Variants in RNF170 observed in about 807,000 individuals in gnomAD.
The protein encoded by RNF170 is ring finger protein 170, also known as E3 ubiquitin-protein ligase RNF170.
RNF170 carries 12 observed loss-of-function variants against 32.7 expected under a neutral mutation model. That is an observed-to-expected ratio of 0.37 (90% confidence interval 0.24 to 0.60). The LOEUF is 0.60. RNF170 is among the 20% of genes least tolerant of loss of function. The probability of loss-of-function intolerance (pLI) is 0.72; values close to 1 mark genes in which losing one functional copy is unlikely to be tolerated. For missense variants in RNF170, 212 were observed against 311.2 expected (o/e 0.68, Z 2.40); for synonymous variants, 91 against 103.6 (o/e 0.88, Z 0.74).
rs368788195 is a variant in RNF170 at position 42,863,126 on chromosome 8, GC to G, written c.397-1272del. 1.6e-3 allele frequency among the ~76,000 whole-genome samples: 250 copies of G among 152,308 alleles called. 1 individual carries two copies. The highest frequency in any genetic ancestry group is 5.5e-3 in the African/African-American group (227 of 41,570). On this transcript the variant is annotated intron_variant, in intron 5 of 6. Transcript: ENST00000527424. Reference sequence around the variant, plus strand: ...ATTTCCATGACCATTTACTGAAGGGGCTACTGAAAACAGGAGGTAGAACAAG... The same window carrying G: ...ATTTCCATGACCATTTACTGAAGGGGTACTGAAAACAGGAGGTAGAACAAG...
chr8:42,874,123 C>A, intron 2 of RNF170, 117 bp from the exon 3 acceptor site: 2 of 698,306 alleles, frequency 2.9e-6, no homozygotes, highest in Middle Eastern at 3.8e-4. Flanking sequence ...TGATGGCATA[C>A]AAGCACTTCA....
At chr8:42,866,783 C>T (rs566028021) in intron 4 of RNF170, among the ~76,000 whole-genome samples, 3 of 152,292 alleles carry the variant, frequency 2.0e-5, no homozygotes, top group South Asian at 2.1e-4. Flanking sequence ...AAGAGTCTGG[C>T]GACCTCAAGA....
intron 2 of RNF170, among the ~76,000 whole-genome samples, chr8:42,875,297 A>G (rs1804840231): frequency 6.6e-6 from 1 of 152,210 alleles, no homozygotes; most frequent in South Asian, 2.1e-4. Context: ...AATGTCTTGA[A>G]CAAGAATATT....
rs1225807317 is a variant in RNF170 at position 42,854,334 on chromosome 8, A to AT, written c.*1824dup. On this transcript the variant is annotated 3_prime_UTR_variant, in exon 7 of 7. Coordinates refer to ENST00000527424, the MANE Select transcript of RNF170 (RefSeq NM_030954.4). ...TTCTATGCAGGAGTCCTACTAAGAAATTTTGGTGTAATGCCACTTTGATCA... is the reference window on the plus strand; with the variant it reads ...TTCTATGCAGGAGTCCTACTAAGAAATTTTTGGTGTAATGCCACTTTGATCA... 4.7e-6 allele frequency: 6 copies of AT among 1,287,212 alleles called. No homozygotes were observed. Among genetic ancestry groups the AT allele is most frequent in the Middle Eastern group, 6.5e-4 (2 of 3,064 alleles). 79.7% of individuals were successfully genotyped at this position (1,287,212 alleles called of 1,614,324 possible).
chr8:42,897,177 C>T (rs1368826097), upstream of RNF170: 5 of 1,248,062 alleles, frequency 4.0e-6, no homozygotes, highest in Non-Finnish European at 5.0e-6. Flanking sequence ...GTGCGAGAGC[C>T]TCCTCACTTG....
At chr8:42,872,137 G>A (rs544413404) in intron 3 of RNF170, among the ~76,000 whole-genome samples, 17 of 152,328 alleles carry the variant, frequency 1.1e-4, no homozygotes, top group African/African-American at 4.1e-4. Context: ...TTCACTCTGA[G>A]AGCTGTGTGC....
intron 5 of RNF170, among the ~76,000 whole-genome samples, chr8:42,864,282 G>A (rs1803923688): frequency 6.6e-6 from 1 of 151,730 alleles, no homozygotes; most frequent in African/African-American, 2.4e-5. Context: ...AAATTTTTTT[G>A]TAGAGATGGA....
intron 5 of RNF170, among the ~76,000 whole-genome samples, chr8:42,862,888 G>A (rs1803764696): frequency 6.6e-6 from 1 of 152,224 alleles, no homozygotes; most frequent in African/African-American, 2.4e-5. Context: ...CACAAGGAAA[G>A]GGGAGGAAGA....
intron 2 of RNF170, among the ~76,000 whole-genome samples, chr8:42,877,469 C>T (rs560945067): frequency 5.3e-5 from 8 of 152,098 alleles, no homozygotes; most frequent in East Asian, 1.9e-4. Flanking sequence ...TGTGAGCCAC[C>T]GCACCCAGCC....
At chr8:42,856,625 C>T (rs757767423) in intron 6 of RNF170, among the ~76,000 whole-genome samples, 197 bp from the exon 7 acceptor site, 3 of 152,076 alleles carry the variant, frequency 2.0e-5, no homozygotes, top group Non-Finnish European at 4.4e-5. Context: ...GATCTTATTG[C>T]AGATAATTGA....
intron 1 of RNF170, among the ~76,000 whole-genome samples, chr8:42,894,079 A>C (rs752318705): frequency 1.3e-5 from 2 of 152,244 alleles, no homozygotes; most frequent in Non-Finnish European, 2.9e-5. Context: ...TTTTTACCCC[A>C]AGGCTTACGT....
intron 1 of RNF170, among the ~76,000 whole-genome samples, chr8:42,894,624 G>C (rs1366716562): frequency 6.6e-6 from 1 of 152,116 alleles, no homozygotes; most frequent in African/African-American, 2.4e-5. Context: ...GAGTGCAGTG[G>C]CGCGATCTCG....
intron 1 of RNF170, among the ~76,000 whole-genome samples, chr8:42,890,289 T>C (rs1806190283): frequency 6.6e-6 from 1 of 150,756 alleles, no homozygotes; most frequent in Non-Finnish European, 1.5e-5. Flanking sequence ...TTTTTTTTTC[T>C]TTTTTTGAGA....
intron 1 of RNF170, among the ~76,000 whole-genome samples, chr8:42,895,318 C>G (rs1213994546): frequency 6.6e-6 from 1 of 152,004 alleles, no homozygotes; most frequent in African/African-American, 2.4e-5. Context: ...CCACCATCAA[C>G]AACAACAAAA....
chr8:42,890,744 G>A (rs1806233868), intron 1 of RNF170, among the ~76,000 whole-genome samples: 1 of 152,132 alleles, frequency 6.6e-6, no homozygotes, highest in Non-Finnish European at 1.5e-5. Flanking sequence ...CTTGTCCCAT[G>A]GAAATCCCAA....
intron 4 of RNF170, among the ~76,000 whole-genome samples, chr8:42,868,002 G>A (rs1419505552): frequency 6.6e-6 from 1 of 152,052 alleles, no homozygotes; most frequent in Non-Finnish European, 1.5e-5. Context: ...GAGGAGAAAC[G>A]TATCTGCCTT....
At chr8:42,870,209 G>T in intron 3 of RNF170, 97 bp from the exon 4 acceptor site, 1 of 824,316 alleles carries the variant, frequency 1.2e-6, no homozygotes, top group South Asian at 1.4e-5. Context: ...TCAGCAGTGT[G>T]TAACCCTCAT....
rs1803142217 is a variant in RNF170, at chr8:42,855,047, A to ATT, written c.*1111_*1112insAA. ...CTTCCTATTGGCTTGATGCTCAAAGACACGAAGATTCACCTTCCTCAGAAA... is the reference window on the plus strand; with the variant it reads ...CTTCCTATTGGCTTGATGCTCAAAGATTCACGAAGATTCACCTTCCTCAGAAA... On this transcript the variant is annotated 3_prime_UTR_variant, in exon 7 of 7. Transcript: ENST00000527424. The ATT allele has an allele frequency of 7.8e-7, 1 of 1,287,100 alleles. No homozygotes were observed. The highest frequency in any genetic ancestry group is 1.0e-6 in the Non-Finnish European group (1 of 988,694). 79.7% of individuals were successfully genotyped at this position (1,287,100 alleles called of 1,614,324 possible).
At position 42,856,200 on chromosome 8, in the gene RNF170, TAG is replaced by T; in HGVS notation, c.734_735del (p.Ser245TyrfsTer13). ...TGGGTTATCACTTCTCGATACATAA[TAG>T]AGATGTAGATAAGCAATAAAAAGAT... ...FVIFLLLIYI[S>X]IMYREVITQR... is the part of the protein sequence containing the mutation. On this transcript the variant is annotated frameshift_variant, in exon 7 of 7. Transcript: ENST00000527424. LOFTEE classifies it high-confidence loss of function. The T allele has an allele frequency of 6.2e-7, 1 of 1,612,356 alleles. No individual in the cohort carries two copies. Among genetic ancestry groups the T allele is most frequent in the Admixed American group, 1.7e-5 (1 of 59,972 alleles).
Sources: gnomAD v4.1 joint callset for allele counts (sites outside exome capture counted in the v4.1 genomes callset) on GRCh38, gnomAD v4.1.1 for gene constraint, MANE v1.5 for transcripts, NCBI Gene and HGNC (gene_info 2026-07-23, HGNC 2026-07-21) for gene names.